CYGB: variants seen among roughly 807,000 people sequenced by gnomAD.
CYGB encodes histoglobin.
CYGB carries 13 observed loss-of-function variants against 20.7 expected under a neutral mutation model. The observed-to-expected ratio is 0.63, with a 90% CI of 0.41 to 1.00. CYGB has a LOEUF of 1.00. Ranked by LOEUF, CYGB falls within the 50% of genes least tolerant of loss-of-function variation. The pLI, the probability that CYGB is intolerant of heterozygous loss-of-function variation, is 0.00. For synonymous variants in CYGB, 93 were observed against 107.4 expected (o/e 0.87, Z 0.83); for missense variants, 218 against 257.2 (o/e 0.85, Z 1.04).
At position 76,531,890 on chromosome 17, in the gene CYGB, G is replaced by T; in HGVS notation, c.144-199C>A. 1 of 529,528 alleles carries T rather than the reference G, an allele frequency of 1.9e-6. No homozygotes were observed. The highest frequency in any genetic ancestry group is 3.4e-6 in the Non-Finnish European group (1 of 296,598). 32.8% of individuals were successfully genotyped at this position (529,528 alleles called of 1,614,324 possible). A position where few individuals can be genotyped will look rare whatever the true frequency, so the allele number is the denominator to read the frequency against. On this transcript the variant is annotated intron_variant, in intron 1 of 3. Coordinates refer to ENST00000293230, the MANE Select transcript of CYGB (RefSeq NM_134268.5). The surrounding 1 kb of genome is among the most constrained non-coding windows in gnomAD (Gnocchi z 7.4). ...AGCCGGCTCACCCCTACCAAGTCTG[G>T]CCATGTCTATCTGCCAGGCTTGCTC...
rs1314986218 is a variant in CYGB, at chr17:76,527,761, A to ACTGAGGCCC, written c.*808_*816dup. On this transcript the variant is annotated 3_prime_UTR_variant, in exon 4 of 4. Transcript: ENST00000293230. ...TGGAGCTAGCGGTCGAGGTTTCTGG[A>ACTGAGGCCC]CTGAGGCCCCTCCCCCAGTGCGGTC... 2.2e-6 allele frequency: 1 copy of ACTGAGGCCC among 453,912 alleles called. No homozygotes were observed. The highest frequency in any genetic ancestry group is 4.4e-6 in the Non-Finnish European group (1 of 226,720). 28.1% of individuals were successfully genotyped at this position (453,912 alleles called of 1,614,324 possible).
Position 76,531,914 on chromosome 17 carries a change from T to C in CYGB, c.144-223A>G. On this transcript the variant is annotated intron_variant, in intron 1 of 3. Transcript: ENST00000293230. This position sits in a 1 kb window ranked among gnomAD's most constrained non-coding sequence, Gnocchi z 7.4. ...GGCCATGTCTATCTGCCAGGCTTGC[T>C]CAGGCTGGCGGCTTCATCTCCTAGG... The C allele has an allele frequency of 2.0e-6, 1 of 488,560 alleles. No individual in the cohort carries two copies. The allele number at this position is 488,560 out of a possible 1,614,324, so 30.3% of individuals were successfully genotyped here. A position where few individuals can be genotyped will look rare whatever the true frequency, so the allele number is the denominator to read the frequency against.
At chr17:76,539,239 T>G (rs1290573790), upstream of CYGB, among the ~76,000 whole-genome samples, 3 of 152,216 alleles carry the variant, frequency 2.0e-5, no homozygotes, top group East Asian at 5.8e-4. Flanking sequence ...TCAAAGTTGG[T>G]GTGACCAAGT....
chr17:76,539,402 C>T (rs1399004637), upstream of CYGB, among the ~76,000 whole-genome samples: 1 of 152,202 alleles, frequency 6.6e-6, no homozygotes, highest in African/African-American at 2.4e-5. Context: ...TAAGTGGCTG[C>T]ACCTGTCTAT....
At chr17:76,545,518 C>G (rs535282212) in intron 1 of CYGB, 26 of 382,838 alleles carry the variant, frequency 6.8e-5, no homozygotes, top group African/African-American at 4.8e-4. Flanking sequence ...GGTGGGGTCC[C>G]TTCTGGTCTA....
At chr17:76,542,486 G>A, upstream of CYGB, 2 of 1,583,108 alleles carry the variant, frequency 1.3e-6, no homozygotes, top group Non-Finnish European at 1.7e-6. Context: ...GGAGGAGGAA[G>A]AGGAGAGTCA....
rs2074794260 is a variant in CYGB, at chr17:76,528,577, C to A, written c.*1G>T. On this transcript the variant is annotated 3_prime_UTR_variant, in exon 4 of 4. Coordinates refer to ENST00000293230, the MANE Select transcript of CYGB (RefSeq NM_134268.5). The surrounding 1 kb of genome is among the most constrained non-coding windows in gnomAD (Gnocchi z 5.8). ...CAGGGAGGGGGGTGGAGTTAGGGGT[C>A]CTACGGCCCCGAAGAGGGCAGTGTG... 4 of 1,285,656 alleles carry A rather than the reference C, an allele frequency of 3.1e-6. No individual in the cohort carries two copies. Among genetic ancestry groups the A allele is most frequent in the Non-Finnish European group, 3.0e-6 (3 of 1,008,806 alleles). 79.6% of individuals were successfully genotyped at this position (1,285,656 alleles called of 1,614,324 possible). A position where few individuals can be genotyped will look rare whatever the true frequency, so the allele number is the denominator to read the frequency against.
chr17:76,541,765 T>G (rs1254439690), upstream of CYGB, among the ~76,000 whole-genome samples: 1 of 152,184 alleles, frequency 6.6e-6, no homozygotes, highest in Non-Finnish European at 1.5e-5. Flanking sequence ...TCCACGCTAT[T>G]GAGCCCGGGT....
At chr17:76,537,831 C>T (rs1350917252), upstream of CYGB, 1 of 153,090 alleles carries the variant, frequency 6.5e-6, no homozygotes, top group African/African-American at 2.4e-5. Context: ...CCCCCAGCCC[C>T]GTGTGGGTAA....
Position 76,530,115 on chromosome 17 carries a change from T to G in CYGB, c.539+864A>C. The G allele has an allele frequency of 1.0e-6, 1 of 981,310 alleles. No homozygotes were observed. Among genetic ancestry groups the G allele is most frequent in the Non-Finnish European group, 1.2e-6 (1 of 827,662 alleles). The allele number at this position is 981,310 out of a possible 1,614,324, so 60.8% of individuals were successfully genotyped here. A position where few individuals can be genotyped will look rare whatever the true frequency, so the allele number is the denominator to read the frequency against. On this transcript the variant is annotated intron_variant, in intron 3 of 3. Coordinates refer to ENST00000293230, the MANE Select transcript of CYGB (RefSeq NM_134268.5). The surrounding 1 kb of genome is among the most constrained non-coding windows in gnomAD (Gnocchi z 6.1). ...TGGGAAACTGCTGGGAATGTTTCTC[T>G]ACCACGGGAATGTTTCTCTACCACG...
At chr17:76,536,670 C>T (rs141401409) in intron 1 of CYGB, among the ~76,000 whole-genome samples, 44 of 152,260 alleles carry the variant, frequency 2.9e-4, no homozygotes, top group African/African-American at 1.0e-3. Context: ...GCCTGAATGA[C>T]CCCTAAGCCC....
At chr17:76,537,735 A>T, upstream of CYGB, 1 of 230,690 alleles carries the variant, frequency 4.3e-6, no homozygotes, top group Non-Finnish European at 6.9e-6. Context: ...TGTGCAGGGT[A>T]TATGTGCGGG....
chr17:76,539,897 G>T, upstream of CYGB: 1 of 589,080 alleles, frequency 1.7e-6, no homozygotes, highest in African/African-American at 1.9e-5. Flanking sequence ...CCGAATACGT[G>T]CTCAATGCCA....
intron 1 of CYGB, chr17:76,543,089 G>A: frequency 2.1e-6 from 1 of 471,500 alleles, no homozygotes; most frequent in Non-Finnish European, 4.4e-6. Context: ...GCAGCGGCAA[G>A]AGGGAGAATG....
chr17:76,540,391 A>G, upstream of CYGB: 4 of 1,334,962 alleles, frequency 3.0e-6, no homozygotes, highest in Non-Finnish European at 3.2e-6. The surrounding 1 kb of genome is among the most constrained non-coding windows in gnomAD (Gnocchi z 5.0). Flanking sequence ...TAGAGCTTCA[A>G]AGGCTCTAGT....
upstream of CYGB, among the ~76,000 whole-genome samples, chr17:76,541,332 C>T (rs147764374): frequency 1.3e-5 from 2 of 152,288 alleles, no homozygotes; most frequent in East Asian, 1.9e-4. Flanking sequence ...TTTTTGCTCC[C>T]AGTGAAACAA....
chr17:76,537,596 G>A lies in CYGB; in HGVS notation c.-54C>T. On this transcript the variant is annotated 5_prime_UTR_variant, in exon 1 of 4. Coordinates refer to ENST00000293230, the MANE Select transcript of CYGB (RefSeq NM_134268.5). ...CTCGGCGGCGGCGGTGGCGGGGCGC[G>A]GGGCGCGGGGCGCGGGGCGCCGGGA... 1.0e-5 allele frequency: 11 copies of A among 1,049,276 alleles called. No homozygotes were observed. In the South Asian group the frequency reaches 3.9e-4, roughly 38 times the overall value. The allele number at this position is 1,049,276 out of a possible 1,614,324, so 65.0% of individuals were successfully genotyped here. A position where few individuals can be genotyped will look rare whatever the true frequency, so the allele number is the denominator to read the frequency against.
chr17:76,544,312 T>C, intron 1 of CYGB: 1 of 453,948 alleles, frequency 2.2e-6, no homozygotes, highest in South Asian at 1.6e-5. Context: ...GAAGATGGAG[T>C]TCTCTAGACA....
chr17:76,545,695 T>C (rs1271468095), intron 1 of CYGB: 1 of 286,988 alleles, frequency 3.5e-6, no homozygotes, highest in Non-Finnish European at 6.9e-6. Context: ...GAGATCCTAC[T>C]GGTATCTGTC....
Sources: gnomAD v4.1 joint callset for allele counts (sites outside exome capture counted in the v4.1 genomes callset) on GRCh38, gnomAD v4.1.1 for gene constraint, Gnocchi (gnomAD v3.1) non-coding constraint, MANE v1.5 for transcripts, NCBI Gene and HGNC (gene_info 2026-07-23, HGNC 2026-07-21) for gene names.